The following PTPRD variants were observed in gnomAD, a reference collection of about 807,000 sequenced individuals.
The protein encoded by PTPRD is protein tyrosine phosphatase receptor type D.
A neutral mutation model predicts 214.5 loss-of-function variants in PTPRD; 34 were observed. That is an observed-to-expected ratio of 0.16 (90% CI 0.12 to 0.21). The LOEUF is 0.21. Ranked by LOEUF, PTPRD falls within the 10% of genes least tolerant of loss-of-function variation. The probability of loss-of-function intolerance (pLI) is 1.00; values close to 1 mark genes in which losing one functional copy is unlikely to be tolerated. For missense variants in PTPRD, 2,545 were observed against 2,398.7 expected (o/e 1.06, Z -1.27); for synonymous variants, 1,128 against 845.7 (o/e 1.33, Z -5.79).
intron 3 of PTPRD, among the ~76,000 whole-genome samples, chr9:10,184,636 C>A (rs548975189): frequency 6.6e-6 from 1 of 152,124 alleles, no homozygotes; most frequent in African/African-American, 2.4e-5. Context: ...ATTATGCCCA[C>A]CTCTTTCCCT....
intron 7 of PTPRD, among the ~76,000 whole-genome samples, chr9:9,704,025 G>T (rs1412582608): frequency 6.6e-6 from 1 of 152,096 alleles, no homozygotes; most frequent in African/African-American, 2.4e-5. Flanking sequence ...TGGGACTACT[G>T]GCATGAGCCA....
chr9:9,203,341 T>C (rs2099942991), intron 9 of PTPRD, among the ~76,000 whole-genome samples: 1 of 152,138 alleles, frequency 6.6e-6, no homozygotes, highest in Admixed American at 6.5e-5. Flanking sequence ...AACTGGCATA[T>C]AGTAGAGCTT....
intron 30 of PTPRD, among the ~76,000 whole-genome samples, chr9:8,473,357 T>G (rs1306131000): frequency 6.6e-6 from 1 of 152,042 alleles, no homozygotes; most frequent in Non-Finnish European, 1.5e-5. Context: ...AGAGTAAGCT[T>G]CCCCCTCTCC....
intron 7 of PTPRD, among the ~76,000 whole-genome samples, chr9:9,585,929 G>A (rs535545960): frequency 2.6e-5 from 4 of 152,142 alleles, no homozygotes; most frequent in Admixed American, 1.3e-4. Flanking sequence ...CTAACCAGAA[G>A]TAGAGCAACC....
intron 5 of PTPRD, among the ~76,000 whole-genome samples, chr9:9,860,571 C>G (rs1159505632): frequency 6.6e-6 from 1 of 152,150 alleles, no homozygotes; most frequent in Non-Finnish European, 1.5e-5. Flanking sequence ...ATTTGATTGC[C>G]TTATGCCTAG....
chr9:10,160,563 A>G (rs2099121564), intron 3 of PTPRD, among the ~76,000 whole-genome samples: 1 of 151,992 alleles, frequency 6.6e-6, no homozygotes, highest in Non-Finnish European at 1.5e-5. Context: ...AACTGGATAT[A>G]GAAAAAACAT....
chr9:8,444,392 C>G (rs1590665164), intron 34 of PTPRD, among the ~76,000 whole-genome samples: 3 of 152,068 alleles, frequency 2.0e-5, no homozygotes, highest in Admixed American at 2.0e-4. Context: ...ACATCCCTAC[C>G]TACTCTATAT....
chr9:10,171,197 C>G (rs963934806), intron 3 of PTPRD, among the ~76,000 whole-genome samples: 3 of 152,114 alleles, frequency 2.0e-5, no homozygotes, highest in African/African-American at 7.2e-5. Context: ...ACTCATTTTA[C>G]CCATTGATAT....
At chr9:9,010,561 C>T (rs1029557033) in intron 11 of PTPRD, among the ~76,000 whole-genome samples, 6 of 152,210 alleles carry the variant, frequency 3.9e-5, no homozygotes, top group Non-Finnish European at 7.3e-5. Flanking sequence ...TGCCAGTGCA[C>T]ATGTTTTCAC....
At chr9:9,493,359 G>A (rs187056532) in intron 8 of PTPRD, among the ~76,000 whole-genome samples, 5 of 152,208 alleles carry the variant, frequency 3.3e-5, no homozygotes, top group Admixed American at 6.5e-5. Flanking sequence ...TAATTCACCA[G>A]GAACAGAGTC....
At chr9:10,377,708 G>C (rs988117889) in intron 2 of PTPRD, among the ~76,000 whole-genome samples, 5 of 152,030 alleles carry the variant, frequency 3.3e-5, no homozygotes, top group African/African-American at 1.2e-4. Context: ...AACAGGTGCT[G>C]GAGAGGATAT....
intron 10 of PTPRD, among the ~76,000 whole-genome samples, chr9:9,131,811 C>T (rs2099843103): frequency 6.6e-6 from 1 of 152,064 alleles, no homozygotes; most frequent in Non-Finnish European, 1.5e-5. Context: ...GATGAATGTA[C>T]GTAGTGGTTC....
intron 10 of PTPRD, among the ~76,000 whole-genome samples, chr9:9,065,991 A>T (rs561115396): frequency 6.6e-6 from 1 of 152,016 alleles, no homozygotes; most frequent in Non-Finnish European, 1.5e-5. Flanking sequence ...TATAAAGTAA[A>T]TTTTCAGTAC....
chr9:10,604,802 A>T (rs1191388655), intron 2 of PTPRD, among the ~76,000 whole-genome samples: 1 of 151,906 alleles, frequency 6.6e-6, no homozygotes, highest in Non-Finnish European at 1.5e-5. Flanking sequence ...TATATAATAA[A>T]ATAGGAAATT....
At chr9:8,854,517 T>G (rs2097878476) in intron 11 of PTPRD, among the ~76,000 whole-genome samples, 1 of 152,176 alleles carries the variant, frequency 6.6e-6, no homozygotes, top group Non-Finnish European at 1.5e-5. Flanking sequence ...ATGCAAATAC[T>G]TACAGTGTAC....
intron 10 of PTPRD, among the ~76,000 whole-genome samples, chr9:9,131,225 C>T (rs1168230315): frequency 6.6e-6 from 1 of 152,116 alleles, no homozygotes; most frequent in Non-Finnish European, 1.5e-5. Context: ...CACGTTGATG[C>T]AAATTAAGTC....
At chr9:8,361,760 C>G (rs1283343647) in intron 39 of PTPRD, among the ~76,000 whole-genome samples, 1 of 152,188 alleles carries the variant, frequency 6.6e-6, no homozygotes, top group Non-Finnish European at 1.5e-5. Context: ...TATACATTCT[C>G]TCCACTTTGG....
intron 14 of PTPRD, among the ~76,000 whole-genome samples, chr9:8,617,930 T>A (rs1158950560): frequency 6.6e-6 from 1 of 152,092 alleles, no homozygotes; most frequent in Non-Finnish European, 1.5e-5. Flanking sequence ...TGAGTCTTGC[T>A]CATTTTTTAA....
At chr9:9,411,931 C>T (rs932871569) in intron 8 of PTPRD, among the ~76,000 whole-genome samples, 1 of 152,156 alleles carries the variant, frequency 6.6e-6, no homozygotes, top group Non-Finnish European at 1.5e-5. Flanking sequence ...TTAGACCAAC[C>T]CTGTCATTTT....
Sources: allele counts gnomAD v4.1 joint callset (sites outside exome capture counted in the v4.1 genomes callset), GRCh38; gene constraint gnomAD v4.1.1; transcripts MANE v1.5; gene names NCBI Gene and HGNC (gene_info 2026-07-23, HGNC 2026-07-21).